The following ZC3H12B variants were observed in gnomAD, a reference collection of about 807,000 sequenced individuals.
ZC3H12B encodes probable ribonuclease ZC3H12B.
ZC3H12B carries 7 observed loss-of-function variants against 43.9 expected under a neutral mutation model. The observed-to-expected ratio is 0.16, with a 90% CI of 0.09 to 0.30. ZC3H12B has a LOEUF of 0.30. Among genes scored for constraint, ZC3H12B ranks in the 10% least tolerant of loss-of-function variants. ZC3H12B has a pLI of 1.00. For missense variants in ZC3H12B, 475 were observed against 670.2 expected, an observed-to-expected ratio of 0.71 and a Z score of 3.22; for synonymous variants, 222 against 241.7, an observed-to-expected ratio of 0.92 and a Z score of 0.76.
chrX:65,340,014 G>C, the ZC3H12B span, among the ~76,000 whole-genome samples: 1 of 111,736 alleles, frequency 8.9e-6, no homozygotes, highest in South Asian at 3.8e-4. Flanking sequence ...ATTGCAGTCA[G>C]AGCCTTGATG....
chrX:65,154,176 C>G, the ZC3H12B span, among the ~76,000 whole-genome samples: 3 of 111,349 alleles, frequency 2.7e-5, no homozygotes, highest in African/African-American at 9.8e-5. Context: ...CACATGTATA[C>G]ATATGTAACT....
the ZC3H12B span, among the ~76,000 whole-genome samples, chrX:65,355,017 A>T: frequency 1.8e-5 from 2 of 112,012 alleles, no homozygotes; most frequent in Admixed American, 1.9e-4. Flanking sequence ...GGGAGAATGG[A>T]ACCAAGTTGG....
chrX:65,276,850 A>G, the ZC3H12B span, among the ~76,000 whole-genome samples: 2 of 111,831 alleles, frequency 1.8e-5, no homozygotes, highest in South Asian at 7.3e-4. Context: ...TGAGACCACA[A>G]TCAATAAAAT....
At chrX:65,068,524 C>T in the ZC3H12B span, among the ~76,000 whole-genome samples, 5 of 111,676 alleles carry the variant, frequency 4.5e-5, no homozygotes, top group East Asian at 2.8e-4. Flanking sequence ...TAACTTTGTC[C>T]CTCTGCTTTT....
the ZC3H12B span, among the ~76,000 whole-genome samples, chrX:65,233,597 A>G: frequency 4.1e-3 from 455 of 110,807 alleles, 1 homozygote; most frequent in Non-Finnish European, 6.9e-3. Flanking sequence ...ATATGGAAAA[A>G]GCAGTACTAA....
At chrX:65,153,085 A>T in the ZC3H12B span, among the ~76,000 whole-genome samples, 1 of 112,167 alleles carries the variant, frequency 8.9e-6, no homozygotes, top group African/African-American at 3.2e-5. Flanking sequence ...AATTAATTCA[A>T]GATGGATGAA....
chrX:65,436,413 G>A (rs2067222477), intron 3 of ZC3H12B, among the ~76,000 whole-genome samples: 1 of 112,441 alleles, frequency 8.9e-6, no homozygotes, highest in Non-Finnish European at 1.9e-5. Context: ...TTTGTTTTCT[G>A]TTCTATCTGG....
intron 3 of ZC3H12B, 97 bp from the exon 9 acceptor site, chrX:65,499,786 G>C (rs1387241950): frequency 6.1e-6 from 4 of 655,679 alleles, no homozygotes; most frequent in Non-Finnish European, 9.6e-6. Flanking sequence ...AGAAGGCTGT[G>C]ACAACAGTAC....
At chrX:65,056,939 G>T in the ZC3H12B span, among the ~76,000 whole-genome samples, 2 of 111,429 alleles carry the variant, frequency 1.8e-5, no homozygotes, top group Non-Finnish European at 3.8e-5. Context: ...CATTTGCTTA[G>T]TAGACCTTCC....
intron 3 of ZC3H12B, among the ~76,000 whole-genome samples, chrX:65,453,363 T>C (rs1464640530): frequency 1.1e-4 from 5 of 46,335 alleles, no homozygotes; most frequent in African/African-American, 8.4e-4. Flanking sequence ...CAAATGCATA[T>C]ATATATATAT....
At chrX:65,065,340 G>A in the ZC3H12B span, among the ~76,000 whole-genome samples, 1 of 111,661 alleles carries the variant, frequency 9.0e-6, no homozygotes, top group Non-Finnish European at 1.9e-5. Context: ...AGGCCTGGTT[G>A]TGACAAAATC....
At chrX:65,217,834 G>A in the ZC3H12B span, among the ~76,000 whole-genome samples, 1 of 111,502 alleles carries the variant, frequency 9.0e-6, no homozygotes, top group African/African-American at 3.3e-5. Flanking sequence ...AAAATTAAGA[G>A]CTATTGGCCT....
chrX:65,481,239 G>T lies in ZC3H12B; in HGVS notation n.408-7407G>T, dbSNP rs961104932. On this transcript the variant is annotated intron_variant and non_coding_transcript_variant, in intron 3 of 5. Coordinates refer to the ZC3H12B transcript ENST00000617377. ...TTCACCTCTCTTACCTCAGACAGAA[G>T]AATTACTTACCTCTTACACCTCCTT... is the stretch of plus-strand genomic sequence containing the variant. Among the ~76,000 whole-genome samples the T allele has an allele frequency of 6.3e-5, 7 of 111,441 alleles. No homozygotes were observed. In the East Asian group the frequency reaches 2.0e-3, roughly 31 times the overall value.
the ZC3H12B span, among the ~76,000 whole-genome samples, chrX:65,081,635 A>G: frequency 8.9e-6 from 1 of 112,021 alleles, no homozygotes; most frequent in East Asian, 2.8e-4. Context: ...TATATAAAGC[A>G]AATATTATTA....
chrX:65,244,035 T>A, the ZC3H12B span, among the ~76,000 whole-genome samples: 3 of 111,039 alleles, frequency 2.7e-5, no homozygotes, highest in South Asian at 1.1e-3. Flanking sequence ...AGTTAGAGGG[T>A]AAAAGACCTA....
chrX:65,287,786 G>T, the ZC3H12B span, among the ~76,000 whole-genome samples: 2 of 110,353 alleles, frequency 1.8e-5, no homozygotes, highest in Non-Finnish European at 3.8e-5. Context: ...ATTAGTAGAA[G>T]AAAAGAGATA....
At chrX:65,459,409 C>T (rs1459517351) in intron 3 of ZC3H12B, among the ~76,000 whole-genome samples, 4 of 111,283 alleles carry the variant, frequency 3.6e-5, no homozygotes, top group Admixed American at 9.5e-5. Context: ...AACAAAAAAA[C>T]GGAATTTTAG....
the ZC3H12B span, among the ~76,000 whole-genome samples, chrX:65,177,534 C>T: frequency 3.6e-5 from 4 of 111,968 alleles, no homozygotes; most frequent in African/African-American, 9.7e-5. Context: ...AAAACCCCAT[C>T]GTCTCAGTCC....
chrX:65,274,706 G>A, the ZC3H12B span, among the ~76,000 whole-genome samples: 334 of 109,723 alleles, frequency 3.0e-3, 1 homozygote, highest in African/African-American at 0.011. Flanking sequence ...CTGATAAACA[G>A]CCCCACAGCC....
Sources: gnomAD v4.1 joint callset for allele counts (sites outside exome capture counted in the v4.1 genomes callset) on GRCh38, gnomAD v4.1.1 for gene constraint, MANE v1.5 for transcripts, NCBI Gene and HGNC (gene_info 2026-07-23, HGNC 2026-07-21) for gene names.